The following CCDC50 variants were observed in gnomAD, a reference collection of about 807,000 sequenced individuals.
CCDC50 encodes coiled-coil domain containing 50, also known as coiled-coil domain-containing protein 50.
CCDC50 carries 54 observed loss-of-function variants against 70.2 expected under a neutral mutation model. The ratio of observed to expected loss-of-function variants is 0.77; its 90% CI spans 0.62 to 0.96. CCDC50 has a LOEUF of 0.96. Ranked by LOEUF, CCDC50 falls within the 50% of genes least tolerant of loss-of-function variation. CCDC50 has a pLI of 0.00. For missense variants in CCDC50, 558 were observed against 578.7 expected (o/e 0.96, Z 0.37); for synonymous variants, 216 against 198.8 (o/e 1.09, Z -0.73).
intron 4 of CCDC50, among the ~76,000 whole-genome samples, chr3:191,369,644 G>A (rs1044590100): frequency 2.0e-5 from 3 of 152,128 alleles, no homozygotes; most frequent in African/African-American, 7.2e-5. Context: ...AAATTCTGTT[G>A]TGTAACCTGC....
chr3:191,363,088 C>G (rs984790527), intron 4 of CCDC50, among the ~76,000 whole-genome samples: 72 of 138,212 alleles, frequency 5.2e-4, no homozygotes, highest in Middle Eastern at 8.0e-3. Flanking sequence ...TTTTTTTTTT[C>G]TCCGTTTAGA....
intron 6 of CCDC50, 57 bp downstream of exon 6, chr3:191,375,646 A>G (rs1713087329): frequency 6.5e-7 from 1 of 1,545,474 alleles, no homozygotes; most frequent in Non-Finnish European, 8.8e-7. Flanking sequence ...CTACAAACCA[A>G]TGAATTTAAT....
At chr3:191,363,050 A>G (rs1039351627) in intron 4 of CCDC50, among the ~76,000 whole-genome samples, 1 of 147,480 alleles carries the variant, frequency 6.8e-6, no homozygotes, top group Non-Finnish European at 1.5e-5. Context: ...TTGGCTTCTT[A>G]TAAATGCTAC....
At chr3:191,381,403 A>G (rs112266108) in intron 9 of CCDC50, among the ~76,000 whole-genome samples, 32 of 152,266 alleles carry the variant, frequency 2.1e-4, no homozygotes, top group Non-Finnish European at 2.2e-4. Context: ...CTTATCACCA[A>G]CAATTATTAT....
chr3:191,388,786 T>C (rs566548), intron 10 of CCDC50, among the ~76,000 whole-genome samples: 55,081 of 151,988 alleles, frequency 0.36, 11,522 homozygotes, highest in Non-Finnish European at 0.48. Context: ...GATAATCTGG[T>C]GCTATCCTTT....
chr3:191,362,769 A>G (rs1356487446), intron 4 of CCDC50, among the ~76,000 whole-genome samples: 1 of 152,216 alleles, frequency 6.6e-6, no homozygotes, highest in Non-Finnish European at 1.5e-5. Flanking sequence ...CTTCTGTTCA[A>G]TGCCAGATGA....
chr3:191,392,826 C>T lies in CCDC50; in HGVS notation c.*1066C>T, dbSNP rs1713741784. 6.6e-6 allele frequency: 1 copy of T among 152,250 alleles called. No individual in the cohort carries two copies. The highest frequency in any genetic ancestry group is 2.4e-5 in the African/African-American group (1 of 41,434). 9.4% of individuals were successfully genotyped at this position (152,250 alleles called of 1,614,324 possible). A position where few individuals can be genotyped will look rare whatever the true frequency, so the allele number is the denominator to read the frequency against. On this transcript the variant is annotated 3_prime_UTR_variant, in exon 12 of 12. Coordinates refer to ENST00000392455, the MANE Select transcript of CCDC50 (RefSeq NM_178335.3). ...AATCTTGGCTCACTGCAACCTCCGC[C>T]ACCTGGGCTGGAGCAATTCCCCTGC...
intron 11 of CCDC50, among the ~76,000 whole-genome samples, chr3:191,390,408 G>A (rs1713651080): frequency 3.5e-4 from 2 of 5,702 alleles, no homozygotes; most frequent in Admixed American, 1.8e-3. Context: ...CAAGAAGAAG[G>A]TTCGAATAAA....
intron 5 of CCDC50, 82 bp from the exon 6 acceptor site, chr3:191,374,974 GCCCAGA>G: frequency 7.4e-7 from 1 of 1,348,856 alleles, no homozygotes; most frequent in Non-Finnish European, 1.1e-6. Context: ...TTAAACTGGA[GCCCAGA>G]CTCCCCCCTG....
intron 4 of CCDC50, 143 bp downstream of exon 4, chr3:191,361,302 G>T: frequency 1.5e-6 from 1 of 687,444 alleles, no homozygotes; most frequent in South Asian, 1.6e-5. Flanking sequence ...ATTTTCCTCT[G>T]TGGACCATGA....
At chr3:191,382,522 A>G (rs1713354124) in intron 9 of CCDC50, among the ~76,000 whole-genome samples, 1 of 152,122 alleles carries the variant, frequency 6.6e-6, no homozygotes, top group Non-Finnish European at 1.5e-5. Flanking sequence ...TACACCTTCC[A>G]TGTAAGCCCA....
rs895657302 is a variant in CCDC50, at chr3:191,394,339, C to G, written c.*2579C>G. Reference sequence around the variant, plus strand: ...ATTCAGCCAGTTAAATCCTCATACTCTTTCTCATTCAAATAATATAATAAT... The same window carrying G: ...ATTCAGCCAGTTAAATCCTCATACTGTTTCTCATTCAAATAATATAATAAT... On this transcript the variant is annotated 3_prime_UTR_variant, in exon 12 of 12. Transcript: ENST00000392455. 6.6e-6 allele frequency: 1 copy of G among 152,132 alleles called. No homozygotes were observed. Among genetic ancestry groups the G allele is most frequent in the Non-Finnish European group, 1.5e-5 (1 of 67,988 alleles). The allele number at this position is 152,132 out of a possible 1,614,324, so 9.4% of individuals were successfully genotyped here. A position where few individuals can be genotyped will look rare whatever the true frequency, so the allele number is the denominator to read the frequency against.
At position 191,397,718 on chromosome 3, in the gene CCDC50, T is replaced by G. The variant is rs1713907407; in HGVS notation, c.*5958T>G. On this transcript the variant is annotated 3_prime_UTR_variant, in exon 12 of 12. Transcript: ENST00000392455. ...CATTGCCTGGGCACTTTCAGATTCC[T>G]TAGGAAGTGCCCCTTTGATATTTGG... 1 of 152,252 alleles carries G rather than the reference T, an allele frequency of 6.6e-6. No homozygotes were observed. Among genetic ancestry groups the G allele is most frequent in the Admixed American group, 6.5e-5 (1 of 15,284 alleles). The allele number at this position is 152,252 out of a possible 1,614,324, so 9.4% of individuals were successfully genotyped here. A position where few individuals can be genotyped will look rare whatever the true frequency, so the allele number is the denominator to read the frequency against.
intron 1 of CCDC50, among the ~76,000 whole-genome samples, chr3:191,335,335 T>C (rs1711502885): frequency 6.6e-6 from 1 of 152,210 alleles, no homozygotes; most frequent in Non-Finnish European, 1.5e-5. Flanking sequence ...AGGTAGCCAC[T>C]GGAAGTGCCA....
chr3:191,329,661 G>T lies in CCDC50; in HGVS notation c.-14G>T, dbSNP rs953288937. 1 of 1,606,996 alleles carries T rather than the reference G, an allele frequency of 6.2e-7. No individual in the cohort carries two copies. Among genetic ancestry groups the T allele is most frequent in the South Asian group, 1.1e-5 (1 of 89,424 alleles). ...AAGCCCGCGTTAAAGGGGCAACCGG[G>T]ACCCTGGCCCGGTATGGCTGAAGTC... On this transcript the variant is annotated 5_prime_UTR_variant, in exon 1 of 12. Transcript: ENST00000392455.
At position 191,380,154 on chromosome 3, in the gene CCDC50, T is replaced by TTA; in HGVS notation, c.977-5_977-4insTA. ...ATTACATTGAGTTTTTTTTTTTTTT[T>TTA]AAAGGAATGAAGCCAAGAGTGATGA... On this transcript the variant is annotated splice_region_variant and splice_polypyrimidine_tract_variant and intron_variant, in intron 6 of 11. Coordinates refer to ENST00000392455, the MANE Select transcript of CCDC50 (RefSeq NM_178335.3). 3.4e-6 allele frequency: 5 copies of TTA among 1,460,388 alleles called. No individual in the cohort carries two copies. The highest frequency in any genetic ancestry group is 1.2e-5 in the South Asian group (1 of 83,652). 90.5% of individuals were successfully genotyped at this position (1,460,388 alleles called of 1,614,324 possible).
chr3:191,330,864 T>G (rs114919878), intron 1 of CCDC50, among the ~76,000 whole-genome samples: 6 of 152,268 alleles, frequency 3.9e-5, no homozygotes, highest in Non-Finnish European at 8.8e-5. Context: ...GGTCACTGAT[T>G]TTATGTAGAA....
intron 5 of CCDC50, among the ~76,000 whole-genome samples, chr3:191,372,758 G>T (rs1019822851): frequency 6.6e-6 from 1 of 151,946 alleles, no homozygotes; most frequent in Non-Finnish European, 1.5e-5. Flanking sequence ...ATGAATCCAT[G>T]TTTTTCTTTC....
Position 191,395,397 on chromosome 3 carries a change from T to C in CCDC50, c.*3637T>C, listed in dbSNP as rs1290031589. 6.6e-6 allele frequency: 1 copy of C among 152,202 alleles called. No homozygotes were observed. Among genetic ancestry groups the C allele is most frequent in the East Asian group, 1.9e-4 (1 of 5,204 alleles). 9.4% of individuals were successfully genotyped at this position (152,202 alleles called of 1,614,324 possible). Reference sequence around the variant, plus strand: ...CAAATTGGAAATACCCACTATAATATGGTGCATTCAGTTTACTCCACAAGT... The same window carrying C: ...CAAATTGGAAATACCCACTATAATACGGTGCATTCAGTTTACTCCACAAGT... On this transcript the variant is annotated 3_prime_UTR_variant, in exon 12 of 12. Coordinates refer to ENST00000392455, the MANE Select transcript of CCDC50 (RefSeq NM_178335.3).
Sources: gnomAD v4.1 joint callset for allele counts (sites outside exome capture counted in the v4.1 genomes callset) on GRCh38, gnomAD v4.1.1 for gene constraint, MANE v1.5 for transcripts, NCBI Gene and HGNC (gene_info 2026-07-23, HGNC 2026-07-21) for gene names.